The following SRFBP1 variants were observed in gnomAD, a reference collection of about 807,000 sequenced individuals.
SRFBP1 encodes serum response factor binding protein 1.
SRFBP1 carries 47 observed loss-of-function variants against 45.5 expected under a neutral mutation model. That is an observed-to-expected ratio of 1.03 (90% confidence interval 0.82 to 1.32). The LOEUF (loss-of-function observed/expected upper bound fraction) is 1.32, where lower values mean the gene tolerates loss of function less well. Among genes scored for constraint, SRFBP1 ranks in the 40% most tolerant of loss-of-function variants. The pLI is 0.00. For missense variants in SRFBP1, 621 were observed against 484.6 expected, an observed-to-expected ratio of 1.28 and a Z score of -2.64; for synonymous variants, 203 against 166.3, an observed-to-expected ratio of 1.22 and a Z score of -1.70.
rs373773092 is a variant in SRFBP1, at chr5:122,020,100, C to T, written c.365C>T (p.Ala122Val). Residue 122 changes from alanine to valine, a missense_variant, in exon 6 of 8, where the codon GCC becomes GTC. Physicochemically the swap from Ala to Val is moderately conservative, Grantham distance 64. Coordinates refer to ENST00000339397, the MANE Select transcript of SRFBP1 (RefSeq NM_152546.3). ...GTTTCTCTTGCAGCTGCTGTACAAGCCTTTAAAGAAGCAAGACAAAATGTT... is the reference window on the plus strand; with the variant it reads ...GTTTCTCTTGCAGCTGCTGTACAAGTCTTTAAAGAAGCAAGACAAAATGTT... ...KIDVLKAAVQ[A>V]FKEARQNVAE... 2 of 1,564,972 alleles carry T rather than the reference C, an allele frequency of 1.3e-6. No homozygotes were observed. The highest frequency in any genetic ancestry group is 1.4e-5 in the African/African-American group (1 of 72,890).
chr5:121,993,028 A>C (rs886262671), intron 3 of SRFBP1, among the ~76,000 whole-genome samples: 14 of 152,200 alleles, frequency 9.2e-5, no homozygotes, highest in Middle Eastern at 6.8e-3. Flanking sequence ...TTAGCTTGCA[A>C]ATCTTGACAT....
chr5:121,997,544 C>A (rs1752756381), intron 4 of SRFBP1, among the ~76,000 whole-genome samples: 2 of 151,674 alleles, frequency 1.3e-5, no homozygotes, highest in South Asian at 4.2e-4. Context: ...AAACGTTAGA[C>A]CTAAAACCAT....
intron 4 of SRFBP1, among the ~76,000 whole-genome samples, chr5:122,005,301 A>G (rs1326640250): frequency 6.6e-6 from 1 of 151,992 alleles, no homozygotes; most frequent in Non-Finnish European, 1.5e-5. Context: ...CTCCGTTAAC[A>G]TTTGCTTTAT....
At chr5:122,023,514 T>G (rs954017574) in intron 7 of SRFBP1, among the ~76,000 whole-genome samples, 1 of 152,118 alleles carries the variant, frequency 6.6e-6, no homozygotes, top group Non-Finnish European at 1.5e-5. Context: ...TCTTGATAGC[T>G]TAAGGAAAAA....
Position 121,974,181 on chromosome 5 carries a change from C to T in SRFBP1, c.37-15C>T, listed in dbSNP as rs1331210106. The T allele has an allele frequency of 1.9e-6, 3 of 1,589,016 alleles. No individual in the cohort carries two copies. The highest frequency in any genetic ancestry group is 2.6e-6 in the Non-Finnish European group (3 of 1,159,558). ...GTAAGTGCCTTTCTTCTAATTATTG[C>T]TTTATTCTTCAAAGGTTGTGAAGAT... On this transcript the variant is annotated splice_polypyrimidine_tract_variant and intron_variant, in intron 1 of 7. Coordinates refer to ENST00000339397, the MANE Select transcript of SRFBP1 (RefSeq NM_152546.3).
At chr5:121,973,464 A>G (rs953954727) in intron 1 of SRFBP1, among the ~76,000 whole-genome samples, 17 of 151,872 alleles carry the variant, frequency 1.1e-4, no homozygotes, top group African/African-American at 3.9e-4. Context: ...ATTACATGCC[A>G]TTGCACTGAA....
intron 3 of SRFBP1, among the ~76,000 whole-genome samples, chr5:121,982,925 A>G (rs553774837): frequency 7.2e-5 from 11 of 151,948 alleles, no homozygotes; most frequent in African/African-American, 2.2e-4. Flanking sequence ...ACATTTCCTA[A>G]TAACTGTGAA....
chr5:121,967,358 G>T (rs1199336815), intron 1 of SRFBP1, among the ~76,000 whole-genome samples: 1 of 152,102 alleles, frequency 6.6e-6, no homozygotes, highest in Non-Finnish European at 1.5e-5. Context: ...ACCAATTTGT[G>T]TTTAGTTATT....
In SRFBP1 at chr5:122,016,759, A is replaced by C. The variant is rs529945138; in HGVS notation, c.271-2501A>C. On this transcript the variant is annotated intron_variant, in intron 4 of 7. Coordinates refer to ENST00000339397, the MANE Select transcript of SRFBP1 (RefSeq NM_152546.3). ...CTATCTTTCCTCTATTGTATCAGGA[A>C]ACTCAGCAGCAGGTTGAAGAAACAG... Among the ~76,000 whole-genome samples the C allele has an allele frequency of 3.3e-5, 5 of 152,316 alleles. No individual in the cohort carries two copies. The South Asian group carries it at 1.0e-3, about 32-fold the overall frequency.
chr5:122,074,137 T>C, intron 2 of SRFBP1: 2 of 1,614,158 alleles, frequency 1.2e-6, no homozygotes, highest in Non-Finnish European at 1.7e-6. Context: ...AAGCAGGTCA[T>C]AGTGGCTAAA....
chr5:122,045,340 T>A (rs1278854504), intron 2 of SRFBP1, among the ~76,000 whole-genome samples: 1 of 152,236 alleles, frequency 6.6e-6, no homozygotes, highest in Non-Finnish European at 1.5e-5. Flanking sequence ...CTGTTTGGGC[T>A]CTTTTTTGGT....
At chr5:121,971,033 C>G (rs1366079847) in intron 1 of SRFBP1, among the ~76,000 whole-genome samples, 1 of 151,940 alleles carries the variant, frequency 6.6e-6, no homozygotes, top group African/African-American at 2.4e-5. Flanking sequence ...AACATTCTGA[C>G]CAGTGGAAAT....
At chr5:122,069,895 T>A (rs1163013050) in intron 2 of SRFBP1, 1 of 691,698 alleles carries the variant, frequency 1.4e-6, no homozygotes, top group Non-Finnish European at 2.7e-6. Context: ...TTCCATTATT[T>A]AAAAAAATAA....
At chr5:122,030,810 CAG>C (rs1753578639), downstream of SRFBP1, among the ~76,000 whole-genome samples, 1 of 152,082 alleles carries the variant, frequency 6.6e-6, no homozygotes, top group South Asian at 2.1e-4. Flanking sequence ...TTTAATGAAT[CAG>C]AGATTTCAAC....
chr5:122,019,910 T>A (rs1753267516), intron 5 of SRFBP1, among the ~76,000 whole-genome samples, 178 bp from the exon 6 acceptor site: 1 of 152,148 alleles, frequency 6.6e-6, no homozygotes, highest in Admixed American at 6.6e-5. Flanking sequence ...ATATCTTATG[T>A]TTGGTTTTTA....
intron 1 of SRFBP1, among the ~76,000 whole-genome samples, chr5:121,962,318 C>G (rs1166841035): frequency 6.6e-6 from 1 of 152,188 alleles, no homozygotes; most frequent in Non-Finnish European, 1.5e-5. Flanking sequence ...AACCTTTAGC[C>G]TGTACGTTCA....
intron 2 of SRFBP1, among the ~76,000 whole-genome samples, chr5:122,054,131 A>C (rs1282436438): frequency 6.6e-6 from 1 of 152,190 alleles, no homozygotes; most frequent in Non-Finnish European, 1.5e-5. Context: ...GATCTGCTCC[A>C]GGGCCCAAAG....
intron 3 of SRFBP1, among the ~76,000 whole-genome samples, chr5:121,980,383 G>C (rs1383945859): frequency 1.3e-5 from 2 of 152,076 alleles, no homozygotes; most frequent in African/African-American, 4.8e-5. Flanking sequence ...TTTTCTGTTT[G>C]CTGTTACTAA....
At chr5:122,015,949 C>T (rs1159854748) in intron 4 of SRFBP1, among the ~76,000 whole-genome samples, 1 of 152,104 alleles carries the variant, frequency 6.6e-6, no homozygotes, top group Admixed American at 6.6e-5. Flanking sequence ...CTCCTGATAT[C>T]CCCCCTTCAT....
Sources: allele counts gnomAD v4.1 joint callset (sites outside exome capture counted in the v4.1 genomes callset), GRCh38; gene constraint gnomAD v4.1.1; transcripts MANE v1.5; gene names NCBI Gene and HGNC (gene_info 2026-07-23, HGNC 2026-07-21).